R3HDM1: variants seen among roughly 807,000 people sequenced by gnomAD.
R3HDM1 encodes R3H domain-containing protein 1.
In R3HDM1, 46 loss-of-function variants were observed where a neutral mutation model predicts 141.1. That is an observed-to-expected ratio of 0.33 (90% CI 0.26 to 0.42). The LOEUF is 0.42. Among genes scored for constraint, R3HDM1 ranks in the 10% least tolerant of loss-of-function variants. The probability of loss-of-function intolerance (pLI) is 1.00; values close to 1 mark genes in which losing one functional copy is unlikely to be tolerated. For missense variants in R3HDM1, 1,184 were observed against 1,368.3 expected (o/e 0.87, Z 2.12); for synonymous variants, 435 against 472.9 (o/e 0.92, Z 1.04).
chr2:135,602,527 C>G lies in R3HDM1; in HGVS notation c.-222C>G. 7.1e-7 allele frequency: 1 copy of G among 1,401,952 alleles called. No homozygotes were observed. The highest frequency in any genetic ancestry group is 9.3e-7 in the Non-Finnish European group (1 of 1,075,774). 86.8% of individuals were successfully genotyped at this position (1,401,952 alleles called of 1,614,324 possible). On this transcript the variant is annotated 5_prime_UTR_variant, in exon 2 of 27. The change creates a new upstream start codon in the 5' untranslated region. Transcript: ENST00000683871. ...CACGGAAAGGTATGATATATTTGAT[C>G]CAAGACAGTCCATTCCAGTCCGGGA...
rs977427532 is a variant in R3HDM1 at position 135,602,716 on chromosome 2, T to G, written c.-41+8T>G. The G allele has an allele frequency of 3.0e-5, 44 of 1,473,964 alleles. No individual in the cohort carries two copies. Among genetic ancestry groups the G allele is most frequent in the Non-Finnish European group, 3.6e-5 (40 of 1,113,052 alleles). 91.3% of individuals were successfully genotyped at this position (1,473,964 alleles called of 1,614,324 possible). A position where few individuals can be genotyped will look rare whatever the true frequency, so the allele number is the denominator to read the frequency against. On this transcript the variant is annotated splice_region_variant and intron_variant, in intron 2 of 26. Coordinates refer to ENST00000683871, the MANE Select transcript of R3HDM1 (RefSeq NM_001378107.1). Reference sequence around the variant, plus strand: ...ATCCAAAGGACGCATCAGGTAATGCTTCCCTGTCATTCAGAAAAACATATT... The same window carrying G: ...ATCCAAAGGACGCATCAGGTAATGCGTCCCTGTCATTCAGAAAAACATATT...
chr2:135,572,373 G>A (rs1047091426), intron 1 of R3HDM1, among the ~76,000 whole-genome samples: 1 of 152,184 alleles, frequency 6.6e-6, no homozygotes, highest in Non-Finnish European at 1.5e-5. Flanking sequence ...GATCTGAATA[G>A]ATATTTTTCC....
intron 14 of R3HDM1, among the ~76,000 whole-genome samples, 163 bp from the exon 15 acceptor site, chr2:135,641,373 C>T (rs1012809800): frequency 4.6e-5 from 7 of 152,030 alleles, no homozygotes; most frequent in Admixed American, 2.0e-4. Context: ...TAAACTTGTT[C>T]GTTATGGGGA....
chr2:135,556,952 A>T (rs920478207), intron 1 of R3HDM1, among the ~76,000 whole-genome samples: 1 of 152,108 alleles, frequency 6.6e-6, no homozygotes, highest in Non-Finnish European at 1.5e-5. Context: ...TTGCTCTAGC[A>T]TCCTTTTTTT....
At chr2:135,600,103 ATTTTTT>A (rs1047714227) in intron 1 of R3HDM1, among the ~76,000 whole-genome samples, 1 of 93,478 alleles carries the variant, frequency 1.1e-5, no homozygotes, top group African/African-American at 4.6e-5. Flanking sequence ...AGTTCGTATG[ATTTTTT>A]TTTTTTTTTT....
At chr2:135,682,485 A>T (rs977975802) in intron 21 of R3HDM1, among the ~76,000 whole-genome samples, 1 of 152,182 alleles carries the variant, frequency 6.6e-6, no homozygotes, top group East Asian at 1.9e-4. Context: ...CTGCCCCTAT[A>T]GTGAGCCTTA....
intron 15 of R3HDM1, among the ~76,000 whole-genome samples, chr2:135,642,040 A>G (rs760234939): frequency 9.9e-5 from 15 of 152,208 alleles, no homozygotes; most frequent in Non-Finnish European, 1.5e-4. Context: ...AATTTTTAAA[A>G]AAGTTTATTT....
intron 1 of R3HDM1, chr2:135,584,180 T>A: frequency 1.7e-6 from 1 of 604,814 alleles, no homozygotes. Context: ...ATATAAATAT[T>A]AACCAGTTGT....
intron 15 of R3HDM1, 52 bp from the exon 16 acceptor site, chr2:135,645,327 A>T: frequency 6.8e-7 from 1 of 1,478,950 alleles, no homozygotes; most frequent in Non-Finnish European, 9.3e-7. Flanking sequence ...AAAAGGACCT[A>T]TTTTCCACCT....
Position 135,581,323 on chromosome 2 carries a change from A to G in R3HDM1, c.-249-21177A>G, listed in dbSNP as rs537921154. The G allele has an allele frequency of 8.1e-6, 8 of 985,228 alleles. No individual in the cohort carries two copies. The South Asian group carries it at 3.3e-4, about 41-fold the overall frequency. 61.0% of individuals were successfully genotyped at this position (985,228 alleles called of 1,614,324 possible). A position where few individuals can be genotyped will look rare whatever the true frequency, so the allele number is the denominator to read the frequency against. On this transcript the variant is annotated intron_variant, in intron 1 of 26. Coordinates refer to ENST00000683871, the MANE Select transcript of R3HDM1 (RefSeq NM_001378107.1). ...GGAACTCTCATGCGTCCTTCCTTAT[A>G]CTCATAATTCCAATTCCATTTCCCA...
intron 23 of R3HDM1, among the ~76,000 whole-genome samples, chr2:135,710,512 G>T (rs1029542182): frequency 1.2e-4 from 19 of 152,098 alleles, no homozygotes; most frequent in Admixed American, 1.2e-3. Flanking sequence ...AATCAGCCGG[G>T]TATGGTGGTA....
At chr2:135,618,548 G>T (rs942717238) in intron 5 of R3HDM1, among the ~76,000 whole-genome samples, 1 of 147,748 alleles carries the variant, frequency 6.8e-6, no homozygotes, top group African/African-American at 2.5e-5. Context: ...TTTTAGCAAT[G>T]AAATAGACTT....
Position 135,604,874 on chromosome 2 carries a change from A to C in R3HDM1, c.29A>C (p.Lys10Thr). MRMSDTVTVKDETATMKDLE... is the reference protein window; with the variant it reads MRMSDTVTVTDETATMKDLE... The stretch of plus-strand genomic sequence containing the variant: ...AGGATGTCTGATACTGTTACTGTAA[A>C]AGATGAAACTGCAACAATGAAGGAT... Residue 10 changes from lysine (K) to threonine (T), a missense_variant, in exon 3 of 27, where the codon AAA becomes ACA. Around this residue, in one of 5 missense-constraint regions of R3HDM1, gnomAD observed 192 missense variants for 215.7 expected, o/e 0.89. Coordinates refer to ENST00000683871, the MANE Select transcript of R3HDM1 (RefSeq NM_001378107.1). 1 of 1,611,894 alleles carries C rather than the reference A, an allele frequency of 6.2e-7. No homozygotes were observed. The highest frequency in any genetic ancestry group is 8.5e-7 in the Non-Finnish European group (1 of 1,178,364).
intron 21 of R3HDM1, among the ~76,000 whole-genome samples, chr2:135,690,478 T>C (rs924296226): frequency 6.6e-6 from 1 of 152,224 alleles, no homozygotes; most frequent in African/African-American, 2.4e-5. Context: ...TCTGTGAGGA[T>C]AGATCTTGTG....
At chr2:135,626,201 G>GCTTGCTTGCT (rs2062011427) in intron 7 of R3HDM1, among the ~76,000 whole-genome samples, 1 of 108,478 alleles carries the variant, frequency 9.2e-6, no homozygotes, top group African/African-American at 5.7e-5. Flanking sequence ...GCGTGCGTGC[G>GCTTGCTTGCT]TGCGTGCGTG....
At chr2:135,547,755 CTTTTTTCTTTTCTTTTT>C (rs1699013203) in intron 1 of R3HDM1, among the ~76,000 whole-genome samples, 1 of 138,604 alleles carries the variant, frequency 7.2e-6, no homozygotes, top group African/African-American at 2.7e-5. Context: ...TGTCTGTAGT[CTTTTTTCTTTTCTTTTT>C]TTTTTTTTTT....
chr2:135,710,174 T>C lies in R3HDM1; in HGVS notation c.2679T>C (p.Cys893=), dbSNP rs1198167453. 2 of 1,614,048 alleles carry C rather than the reference T, an allele frequency of 1.2e-6. No homozygotes were observed. Among genetic ancestry groups the C allele is most frequent in the African/African-American group, 2.7e-5 (2 of 74,930 alleles). ...PPQWKQNKYY[C]DHQRGQKCVE... ...AGTGGAAACAAAACAAATATTACTG[T>C]GATCACCAGAGAGGACAGAAGTGTG... Residue 893 remains cysteine (C), a synonymous_variant, in exon 23 of 27, where the codon TGT becomes TGC. Transcript: ENST00000683871.
At chr2:135,615,981 G>A (rs995144165) in intron 3 of R3HDM1, among the ~76,000 whole-genome samples, 171 bp from the exon 4 acceptor site, 1 of 152,180 alleles carries the variant, frequency 6.6e-6, no homozygotes, top group Non-Finnish European at 1.5e-5. Flanking sequence ...AGAAACTTCT[G>A]CAAGTGTGCT....
intron 9 of R3HDM1, among the ~76,000 whole-genome samples, chr2:135,635,681 G>T (rs1310846894): frequency 6.6e-6 from 1 of 152,184 alleles, no homozygotes; most frequent in African/African-American, 2.4e-5. Flanking sequence ...CATTGTATTT[G>T]ATATGGCCTC....
Sources: allele counts gnomAD v4.1 joint callset (sites outside exome capture counted in the v4.1 genomes callset), GRCh38; gene constraint gnomAD v4.1.1; regional missense constraint gnomAD v4.1.1; transcripts MANE v1.5; gene names NCBI Gene and HGNC (gene_info 2026-07-23, HGNC 2026-07-21).